PREX1: variants seen among roughly 807,000 people sequenced by gnomAD.
The protein encoded by PREX1 is phosphatidylinositol 3,4,5-trisphosphate-dependent Rac exchanger 1 protein.
In PREX1, 41 loss-of-function variants were observed where a neutral mutation model predicts 198.3. The ratio of observed to expected loss-of-function variants is 0.21; its 90% CI spans 0.16 to 0.27. The LOEUF (loss-of-function observed/expected upper bound fraction) is 0.27, where lower values mean the gene tolerates loss of function less well. Among genes scored for constraint, PREX1 ranks in the 10% least tolerant of loss-of-function variants. The pLI, the probability that PREX1 is intolerant of heterozygous loss-of-function variation, is 1.00. For synonymous variants in PREX1, 843 were observed against 887.2 expected, an observed-to-expected ratio of 0.95 and a Z score of 0.89; for missense variants, 1,620 against 2,200.7, an observed-to-expected ratio of 0.74 and a Z score of 5.28.
chr20:48,827,295 C>T lies in PREX1; in HGVS notation c.219+347G>A, dbSNP rs2090513518. ...TCCTGGGAAAAAGACGCAGGAGCGC[C>T]AGCTCCCGGCGCCGCCGGGGTCCCC... On this transcript the variant is annotated intron_variant, in intron 1 of 39. Transcript: ENST00000371941. The surrounding 1 kb of genome is among the most constrained non-coding windows in gnomAD (Gnocchi z 4.1). Among the ~76,000 whole-genome samples the T allele has an allele frequency of 6.6e-6, 1 of 152,260 alleles. No individual in the cohort carries two copies.
intron 1 of PREX1, among the ~76,000 whole-genome samples, chr20:48,817,937 A>T (rs912676066): frequency 2.0e-5 from 3 of 152,152 alleles, no homozygotes; most frequent in African/African-American, 4.8e-5. Context: ...ATAAGTAATA[A>T]ATAAGTAAAA....
intron 5 of PREX1, among the ~76,000 whole-genome samples, chr20:48,725,515 C>T (rs1318407355): frequency 6.6e-6 from 1 of 152,244 alleles, no homozygotes; most frequent in Non-Finnish European, 1.5e-5. Flanking sequence ...GGGAAGGAAA[C>T]AGCAGGTGTA....
In PREX1 at chr20:48,734,747, G is replaced by A. The variant is rs1288093059; in HGVS notation, c.415-97C>T. The A allele has an allele frequency of 8.1e-6, 8 of 983,132 alleles. No individual in the cohort carries two copies. The African/African-American group carries it at 1.3e-4, about 16-fold the overall frequency. 60.9% of individuals were successfully genotyped at this position (983,132 alleles called of 1,614,324 possible). ...ACTGGGCTGGTAGGGTAGGGGTAAG[G>A]ACTACCCTGACCCAGGAGAAGCTAC... On this transcript the variant is annotated intron_variant, in intron 3 of 39. Transcript: ENST00000371941.
chr20:48,764,147 A>AC (rs373137909), intron 1 of PREX1, among the ~76,000 whole-genome samples: 32 of 152,050 alleles, frequency 2.1e-4, no homozygotes, highest in African/African-American at 7.5e-4. Context: ...TAAAGTTGTG[A>AC]CCCCCAAGCT....
chr20:48,701,505 C>T (rs534524046), intron 6 of PREX1, among the ~76,000 whole-genome samples: 17 of 152,234 alleles, frequency 1.1e-4, no homozygotes, highest in Non-Finnish European at 2.4e-4. Flanking sequence ...TGAGCCACCA[C>T]GCCTGGCCTC....
chr20:48,648,220 A>C lies in PREX1; in HGVS notation c.3305+1080T>G, dbSNP rs1189581683. On this transcript the variant is annotated intron_variant, in intron 25 of 39. Transcript: ENST00000371941. ...CTGTACCCAGCCCACTGGAGTATTT[A>C]AAACAAGTCCAAGATAACACGTAAT... Among the ~76,000 whole-genome samples, 4 of 152,202 alleles carry C rather than the reference A, an allele frequency of 2.6e-5. No individual in the cohort carries two copies. In the East Asian group the frequency reaches 7.7e-4, roughly 29 times the overall value.
At chr20:48,886,927 A>T in the PREX1 span, among the ~76,000 whole-genome samples, 2 of 152,226 alleles carry the variant, frequency 1.3e-5, no homozygotes, top group Admixed American at 1.3e-4. Flanking sequence ...TCTCCCTTCC[A>T]TGTACACAGT....
chr20:48,674,836 T>C (rs763038041), intron 14 of PREX1, among the ~76,000 whole-genome samples: 7 of 152,208 alleles, frequency 4.6e-5, no homozygotes, highest in Non-Finnish European at 1.0e-4. Flanking sequence ...AACTGATGCA[T>C]AGATTTTCTA....
In PREX1 at chr20:48,791,151, A is replaced by G. The variant is rs546695447; in HGVS notation, c.219+36491T>C. ...GACTTGGAACTGTGCAGATTCATGC[A>G]CACACACACACACACACACTAATAT... is the stretch of plus-strand genomic sequence containing the variant. On this transcript the variant is annotated intron_variant, in intron 1 of 39. Coordinates refer to ENST00000371941, the MANE Select transcript of PREX1 (RefSeq NM_020820.4). Among the ~76,000 whole-genome samples, 284 of 83,838 alleles carry G rather than the reference A, an allele frequency of 3.4e-3. 1 individual carries two copies. The highest frequency in any genetic ancestry group is 5.1e-3 in the Non-Finnish European group (155 of 30,124). 55.0% of individuals were successfully genotyped at this position (83,838 alleles called of 152,430 possible).
At chr20:48,671,751 C>T (rs760057664) in intron 14 of PREX1, among the ~76,000 whole-genome samples, 6 of 152,138 alleles carry the variant, frequency 3.9e-5, no homozygotes, top group East Asian at 3.9e-4. Flanking sequence ...GAAAGACCCA[C>T]GCGGGCACAC....
At position 48,745,105 on chromosome 20, in the gene PREX1, C is replaced by T; in HGVS notation, c.334G>A (p.Asp112Asn). ...CAATACTCCAAGGCGGCCAAGAAATCCTTATGAACTTCCAGGATGTCTTCG... is the reference window on the plus strand; with the variant it reads ...CAATACTCCAAGGCGGCCAAGAAATTCTTATGAACTTCCAGGATGTCTTCG... ...NIEDILEVHKDFLAALEYCLH... is the reference protein window; with the variant it reads ...NIEDILEVHKNFLAALEYCLH... Residue 112 changes from aspartate to asparagine, a missense_variant, in exon 3 of 40, where the codon GAT (aspartate) becomes AAT (asparagine). Asp to Asn is a conservative substitution (Grantham distance 23). Around this residue, in one of 7 missense-constraint regions of PREX1, gnomAD observed 488 missense variants for 802.5 expected, o/e 0.61. Coordinates refer to ENST00000371941, the MANE Select transcript of PREX1 (RefSeq NM_020820.4). 2 of 1,614,166 alleles carry T rather than the reference C, an allele frequency of 1.2e-6. No individual in the cohort carries two copies. The highest frequency in any genetic ancestry group is 1.7e-6 in the Non-Finnish European group (2 of 1,180,008).
intron 5 of PREX1, among the ~76,000 whole-genome samples, chr20:48,718,637 A>G (rs961449623): frequency 4.6e-5 from 7 of 152,226 alleles, no homozygotes; most frequent in African/African-American, 9.6e-5. Flanking sequence ...GAGTTAACAA[A>G]AAAAGCACCT....
intron 1 of PREX1, among the ~76,000 whole-genome samples, chr20:48,813,160 G>A (rs952753739): frequency 8.5e-5 from 13 of 152,338 alleles, no homozygotes; most frequent in East Asian, 1.9e-4. Flanking sequence ...GCACACAGTA[G>A]GTGCTTAACA....
chr20:48,826,279 G>A (rs2090508260), intron 1 of PREX1, among the ~76,000 whole-genome samples: 1 of 152,002 alleles, frequency 6.6e-6, no homozygotes, highest in Non-Finnish European at 1.5e-5. Flanking sequence ...CCAGCAGGAG[G>A]CATGGAGATT....
intron 21 of PREX1, 94 bp downstream of exon 21, chr20:48,652,492 G>C: frequency 7.1e-7 from 1 of 1,411,538 alleles, no homozygotes; most frequent in Non-Finnish European, 9.5e-7. Flanking sequence ...CTGGCTGGGA[G>C]GAGGGGAGGG....
intron 18 of PREX1, chr20:48,656,515 G>A (rs907084082): frequency 2.2e-6 from 1 of 456,708 alleles, no homozygotes; most frequent in South Asian, 1.5e-5. Context: ...CTCTTCCAAT[G>A]CGCCAGACAC....
chr20:48,640,076 C>T (rs1306940195), intron 29 of PREX1, among the ~76,000 whole-genome samples, 182 bp from the exon 30 acceptor site: 1 of 152,196 alleles, frequency 6.6e-6, no homozygotes, highest in African/African-American at 2.4e-5. Context: ...CATGGTACCA[C>T]ACCCATGGCA....
rs372970294 is a variant in PREX1, at chr20:48,701,096, G to GC, written c.784-211dup. The stretch of plus-strand genomic sequence containing the variant: ...CTGGGGAGGGCACACTGATATGACC[G>GC]CATGTCCCTTTTACAGGAGAGGGAC... On this transcript the variant is annotated intron_variant, in intron 6 of 39. Transcript: ENST00000371941. 1.6e-3 allele frequency among the ~76,000 whole-genome samples: 237 copies of GC among 152,286 alleles called. 1 individual carries two copies. The highest frequency in any genetic ancestry group is 5.4e-3 in the African/African-American group (225 of 41,552).
chr20:48,679,427 A>G lies in PREX1; in HGVS notation c.1540-18T>C. 6.2e-7 allele frequency: 1 copy of G among 1,611,352 alleles called. No homozygotes were observed. The highest frequency in any genetic ancestry group is 8.5e-7 in the Non-Finnish European group (1 of 1,178,012). ...CTCACACCCTGAAAGAAAAAAGGGG[A>G]GGAATTCTGGGATCAGGCCACATCC... is the stretch of plus-strand genomic sequence containing the variant. On this transcript the variant is annotated intron_variant, in intron 12 of 39. Transcript: ENST00000371941.
Sources: gnomAD v4.1 joint callset for allele counts (sites outside exome capture counted in the v4.1 genomes callset) on GRCh38, gnomAD v4.1.1 for gene constraint, gnomAD v4.1.1 regional missense constraint, Gnocchi (gnomAD v3.1) non-coding constraint, MANE v1.5 for transcripts, NCBI Gene and HGNC (gene_info 2026-07-23, HGNC 2026-07-21) for gene names.